BZW2: variants seen among roughly 807,000 people sequenced by gnomAD.
The protein encoded by BZW2 is eIF5-mimic protein 1.
A neutral mutation model predicts 53.2 loss-of-function variants in BZW2; 23 were observed. That is an observed-to-expected ratio of 0.43 (90% CI 0.31 to 0.61). The LOEUF is 0.61. BZW2 is among the 20% of genes least tolerant of loss of function. The probability of loss-of-function intolerance (pLI) is 0.09; values close to 1 mark genes in which losing one functional copy is unlikely to be tolerated. For synonymous variants in BZW2, 227 were observed against 186.4 expected (o/e 1.22, Z -1.77); for missense variants, 409 against 503.1 (o/e 0.81, Z 1.79).
At chr7:16,656,150 T>TAC (rs1554264391) in intron 1 of BZW2, among the ~76,000 whole-genome samples, 10 of 150,254 alleles carry the variant, frequency 6.7e-5, no homozygotes, top group South Asian at 6.2e-4. Flanking sequence ...TATATATATA[T>TAC]ACATAAATAT....
intron 2 of BZW2, 28 bp downstream of exon 2, chr7:16,665,529 GT>G (rs1248826364): frequency 1.2e-6 from 2 of 1,600,192 alleles, no homozygotes. Flanking sequence ...GTGTGTGTGT[GT>G]TTAAAGTTGT....
rs756244692 is a variant in BZW2, at chr7:16,674,524, A to G, written c.171A>G (p.Ser57=). Residue 57 remains serine, a synonymous_variant, in exon 3 of 12, where the codon TCA becomes TCG. Coordinates refer to ENST00000258761, the MANE Select transcript of BZW2 (RefSeq NM_014038.3). ...CCAAATTTCTGGACTCTACAGGCTCAAGATTAGATTATCGTCGCTATGCAG... is the reference window on the plus strand; with the variant it reads ...CCAAATTTCTGGACTCTACAGGCTCGAGATTAGATTATCGTCGCTATGCAG... ...AVAKFLDSTG[S]RLDYRRYADT... The G allele has an allele frequency of 1.2e-6, 2 of 1,612,470 alleles. No homozygotes were observed. Among genetic ancestry groups the G allele is most frequent in the Non-Finnish European group, 1.7e-6 (2 of 1,179,056 alleles).
chr7:16,685,894 T>TG lies in BZW2; in HGVS notation c.406-11_406-10insG. The TG allele has an allele frequency of 7.0e-7, 1 of 1,438,604 alleles. No homozygotes were observed. Among genetic ancestry groups the TG allele is most frequent in the Non-Finnish European group, 9.1e-7 (1 of 1,095,358 alleles). The allele number at this position is 1,438,604 out of a possible 1,614,324, so 89.1% of individuals were successfully genotyped here. A position where few individuals can be genotyped will look rare whatever the true frequency, so the allele number is the denominator to read the frequency against. ...TCTTTTTCTTTTTTTTTTTTTTTTT[T>TG]TGACCCACAGCTTCTCCTCTTCCTT... is the stretch of plus-strand genomic sequence containing the variant. On this transcript the variant is annotated splice_polypyrimidine_tract_variant and intron_variant, in intron 5 of 11. Transcript: ENST00000258761.
intron 2 of BZW2, 90 bp downstream of exon 2, chr7:16,665,591 G>A (rs1418219266): frequency 6.4e-7 from 1 of 1,550,572 alleles, no homozygotes; most frequent in Non-Finnish European, 8.7e-7. Flanking sequence ...GTTTCCCCCA[G>A]CCTCACTGAT....
At chr7:16,653,250 G>A (rs912025582) in intron 1 of BZW2, among the ~76,000 whole-genome samples, 1 of 152,140 alleles carries the variant, frequency 6.6e-6, no homozygotes, top group African/African-American at 2.4e-5. Flanking sequence ...TTCTCTCACT[G>A]TCTACCAGTC....
chr7:16,697,722 A>C (rs1783544493), intron 9 of BZW2, among the ~76,000 whole-genome samples: 1 of 152,202 alleles, frequency 6.6e-6, no homozygotes. Flanking sequence ...GCCTATATTA[A>C]AGATAATTGC....
chr7:16,656,772 T>C (rs536265348), intron 1 of BZW2, among the ~76,000 whole-genome samples: 4 of 152,234 alleles, frequency 2.6e-5, no homozygotes, highest in Admixed American at 6.5e-5. Flanking sequence ...TTGTTTTCTT[T>C]AAAATGAAGC....
In BZW2 at chr7:16,674,324, T is replaced by TTAG. The variant is rs1382076663; in HGVS notation, c.59-87_59-85dup. ...GCTCTGTGGATTTTTTTTTCCTATC[T>TTAG]TAGATAAAATAGAATTAAAGTTTTG... On this transcript the variant is annotated intron_variant, in intron 2 of 11. Coordinates refer to ENST00000258761, the MANE Select transcript of BZW2 (RefSeq NM_014038.3). 3.8e-6 allele frequency: 4 copies of TTAG among 1,053,374 alleles called. No individual in the cohort carries two copies. The East Asian group carries it at 1.1e-4, about 28-fold the overall frequency. 65.3% of individuals were successfully genotyped at this position (1,053,374 alleles called of 1,614,324 possible). A position where few individuals can be genotyped will look rare whatever the true frequency, so the allele number is the denominator to read the frequency against.
intron 1 of BZW2, among the ~76,000 whole-genome samples, chr7:16,649,610 T>TC (rs1781941244): frequency 6.6e-6 from 1 of 152,260 alleles, no homozygotes; most frequent in Admixed American, 6.5e-5. Context: ...ATTACATCTT[T>TC]CAGGGTACTG....
chr7:16,699,981 C>A (rs1269497865), intron 10 of BZW2, among the ~76,000 whole-genome samples: 1 of 152,158 alleles, frequency 6.6e-6, no homozygotes, highest in Non-Finnish European at 1.5e-5. Flanking sequence ...CATTGATTAA[C>A]TAGGTAATCA....
intron 1 of BZW2, among the ~76,000 whole-genome samples, chr7:16,663,136 C>A (rs697512): frequency 0.58 from 87,543 of 151,968 alleles, 25,722 homozygotes; most frequent in African/African-American, 0.69. Flanking sequence ...CTATTTTCAA[C>A]ATCCATCAAA....
chr7:16,671,262 G>A (rs903112548), intron 2 of BZW2, among the ~76,000 whole-genome samples: 6 of 151,774 alleles, frequency 4.0e-5, no homozygotes, highest in African/African-American at 1.5e-4. Context: ...CAATGTTTAG[G>A]GTTTATATTT....
chr7:16,690,864 C>G (rs146096385), intron 7 of BZW2, among the ~76,000 whole-genome samples: 1 of 152,112 alleles, frequency 6.6e-6, no homozygotes, highest in Non-Finnish European at 1.5e-5. Flanking sequence ...CAAGATTTCT[C>G]CAGGTGGAAT....
intron 10 of BZW2, among the ~76,000 whole-genome samples, chr7:16,704,193 A>G (rs1783762145): frequency 6.6e-6 from 1 of 152,212 alleles, no homozygotes; most frequent in South Asian, 2.1e-4. Flanking sequence ...GCAGGACCCA[A>G]AATGTTCTAA....
At chr7:16,658,360 A>T (rs1782169335) in intron 1 of BZW2, among the ~76,000 whole-genome samples, 1 of 152,192 alleles carries the variant, frequency 6.6e-6, no homozygotes. Flanking sequence ...TTAAAATGTA[A>T]TTTTTGTAAT....
At chr7:16,679,308 T>C (rs1476670094) in intron 3 of BZW2, among the ~76,000 whole-genome samples, 1 of 152,236 alleles carries the variant, frequency 6.6e-6, no homozygotes, top group Non-Finnish European at 1.5e-5. Context: ...AACTAACAAA[T>C]GTCCATGAAA....
At chr7:16,680,197 GT>G (rs1193289447) in intron 3 of BZW2, among the ~76,000 whole-genome samples, 2 of 152,156 alleles carry the variant, frequency 1.3e-5, no homozygotes, top group African/African-American at 4.8e-5. Flanking sequence ...GATCTGGTCA[GT>G]TCTGTAGTTG....
intron 3 of BZW2, among the ~76,000 whole-genome samples, chr7:16,675,356 G>T (rs554555812): frequency 6.6e-6 from 1 of 152,328 alleles, no homozygotes; most frequent in Admixed American, 6.5e-5. Flanking sequence ...CTTAAGCGGG[G>T]AGGGCAGGTA....
At chr7:16,655,614 A>G (rs977810056) in intron 1 of BZW2, among the ~76,000 whole-genome samples, 10 of 152,118 alleles carry the variant, frequency 6.6e-5, no homozygotes, top group African/African-American at 2.4e-4. Flanking sequence ...AGAACACTAG[A>G]GCTTATTCTT....
Sources: allele counts gnomAD v4.1 joint callset (sites outside exome capture counted in the v4.1 genomes callset), GRCh38; gene constraint gnomAD v4.1.1; transcripts MANE v1.5; gene names NCBI Gene and HGNC (gene_info 2026-07-23, HGNC 2026-07-21).